ITPRID2: variants seen among roughly 807,000 people sequenced by gnomAD.
ITPRID2 encodes ITPR interacting domain containing 2.
ITPRID2 carries 60 observed loss-of-function variants against 124.3 expected under a neutral mutation model. The observed-to-expected ratio is 0.48, with a 90% CI of 0.39 to 0.60. The LOEUF (loss-of-function observed/expected upper bound fraction) is 0.60. Ranked by LOEUF, ITPRID2 falls within the 20% of genes least tolerant of loss-of-function variation. The pLI, the probability that ITPRID2 is intolerant of heterozygous loss-of-function variation, is 0.00. For synonymous variants in ITPRID2, 521 were observed against 542.9 expected, an observed-to-expected ratio of 0.96 and a Z score of 0.56; for missense variants, 1,553 against 1,512.2, an observed-to-expected ratio of 1.03 and a Z score of -0.45.
intron 8 of ITPRID2, among the ~76,000 whole-genome samples, 161 bp from the exon 9 acceptor site, chr2:181,909,738 A>G (rs1417446926): frequency 2.0e-5 from 3 of 152,208 alleles, no homozygotes; most frequent in African/African-American, 7.2e-5. Context: ...GTTGTGGAGC[A>G]TTCTAATAAT....
intron 2 of ITPRID2, chr2:181,894,175 A>G (rs141217642): frequency 1.3e-5 from 2 of 152,368 alleles, no homozygotes; most frequent in African/African-American, 4.8e-5. Flanking sequence ...GAAGAATCAC[A>G]CTATAGTTTA....
Position 181,928,222 on chromosome 2 carries a change from T to C in ITPRID2, c.3737T>C (p.Val1246Ala). ...ATTGTAAGTGGACTTTTGGCAGCAG[T>C]ATCTTCAAGTAAAGCGTCTAATTCT... ...REIVSGLLAA[V>A]SSSKASNSKQ... Residue 1246 changes from valine (V) to alanine (A), a missense_variant, in exon 17 of 18, where the codon GTA becomes GCA. Transcript: ENST00000431877. 6.4e-7 allele frequency: 1 copy of C among 1,551,106 alleles called. No homozygotes were observed. Among genetic ancestry groups the C allele is most frequent in the South Asian group, 1.2e-5 (1 of 83,954 alleles).
chr2:181,896,921 A>C lies in ITPRID2; in HGVS notation c.321A>C (p.Arg107Ser). 6.2e-7 allele frequency: 1 copy of C among 1,612,766 alleles called. No homozygotes were observed. Among genetic ancestry groups the C allele is most frequent in the Non-Finnish European group, 8.5e-7 (1 of 1,178,982 alleles). The change falls in exon 4 of 18, where the codon AGA becomes AGC. Residue 107 changes from arginine (R) to serine (S), a missense_variant. Arg to Ser is a moderately radical substitution (Grantham distance 110). Coordinates refer to ENST00000431877, the MANE Select transcript of ITPRID2 (RefSeq NM_001130445.3). This position sits in a 1 kb window ranked among gnomAD's most constrained non-coding sequence, Gnocchi z 4.3. ...SSSTLKGVLV[R>S]NGGSFEDDLS... ...TGTGTCTTTCAGGTGTGCTTGTGAG[A>C]AATGGAGGAAGTTTTGAAGATGATT...
rs542092662 is a variant in ITPRID2, at chr2:181,902,089, A to G, written c.1036A>G (p.Ile346Val). ...TAAAAACGATCAAAAGTCTCAAAAAATTATGAAGAAGAAAGAGTCATCTTC... is the reference window on the plus strand; with the variant it reads ...TAAAAACGATCAAAAGTCTCAAAAAGTTATGAAGAAGAAAGAGTCATCTTC... ...GNKNDQKSQK[I>V]MKKKESSSML... The change falls in exon 8 of 18, where the codon ATT (isoleucine) becomes GTT (valine). Residue 346 changes from isoleucine (I) to valine (V), a missense_variant. By Grantham distance (29) the Ile-to-Val change is conservative (BLOSUM62 3). Transcript: ENST00000431877. The surrounding 1 kb of genome is among the most constrained non-coding windows in gnomAD (Gnocchi z 4.4). 15 of 1,610,712 alleles carry G rather than the reference A, an allele frequency of 9.3e-6. No homozygotes were observed. The highest frequency in any genetic ancestry group is 1.7e-5 in the Admixed American group (1 of 59,378).
Position 181,891,891 on chromosome 2 carries a change from C to CCCTT in ITPRID2, c.-169_-166dup, listed in dbSNP as rs1481411684. The CCCTT allele has an allele frequency of 5.2e-6, 2 of 381,452 alleles. No individual in the cohort carries two copies. The highest frequency in any genetic ancestry group is 9.7e-6 in the Non-Finnish European group (2 of 206,534). 23.6% of individuals were successfully genotyped at this position (381,452 alleles called of 1,614,324 possible). A position where few individuals can be genotyped will look rare whatever the true frequency, so the allele number is the denominator to read the frequency against. On this transcript the variant is annotated 5_prime_UTR_variant, in exon 1 of 18. Transcript: ENST00000431877. ...GCGCCGGCCCTCCGCCCCTTCCCTC[C>CCCTT]CCTTCCTTCCCTCCCTCCCTCCCTG...
Position 181,910,608 on chromosome 2 carries a change from G to A in ITPRID2, c.1486+637G>A. ...AGCTTTAGAGAAAGGGAAAGAGGAA[G>A]AAGTGAAAATGACCACTGAAGGTAG... On this transcript the variant is annotated intron_variant, in intron 9 of 17. Coordinates refer to ENST00000431877, the MANE Select transcript of ITPRID2 (RefSeq NM_001130445.3). The surrounding 1 kb of genome is among the most constrained non-coding windows in gnomAD (Gnocchi z 4.1). 1.4e-6 allele frequency: 1 copy of A among 704,770 alleles called. No homozygotes were observed. The allele number at this position is 704,770 out of a possible 1,614,324, so 43.7% of individuals were successfully genotyped here. A position where few individuals can be genotyped will look rare whatever the true frequency, so the allele number is the denominator to read the frequency against.
intron 9 of ITPRID2, among the ~76,000 whole-genome samples, chr2:181,912,551 C>T (rs908923061): frequency 6.6e-6 from 1 of 152,136 alleles, no homozygotes; most frequent in Non-Finnish European, 1.5e-5. Context: ...GGGTATTTTT[C>T]AAACCAAGTT....
chr2:181,927,172 A>C (rs1694925765), intron 16 of ITPRID2, among the ~76,000 whole-genome samples: 2 of 152,214 alleles, frequency 1.3e-5, no homozygotes, highest in Non-Finnish European at 2.9e-5. Context: ...ATTTTTGGAA[A>C]GATTATAGTT....
Position 181,910,254 on chromosome 2 carries a change from A to G in ITPRID2, c.1486+283A>G, listed in dbSNP as rs1693493467. Among the ~76,000 whole-genome samples, 1 of 152,160 alleles carries G rather than the reference A, an allele frequency of 6.6e-6. No homozygotes were observed. Among genetic ancestry groups the G allele is most frequent in the Non-Finnish European group, 1.5e-5 (1 of 68,010 alleles). ...CACTATTGCATAAGAGCTAGTTGGG[A>G]AGTGATAGAGCAATGGATTAAGACT... On this transcript the variant is annotated intron_variant, in intron 9 of 17. Coordinates refer to ENST00000431877, the MANE Select transcript of ITPRID2 (RefSeq NM_001130445.3). The surrounding 1 kb of genome is among the most constrained non-coding windows in gnomAD (Gnocchi z 4.1).
chr2:181,901,670 G>A (rs990009873), intron 7 of ITPRID2, 96 bp from the exon 8 acceptor site: 3 of 856,434 alleles, frequency 3.5e-6, no homozygotes, highest in South Asian at 3.7e-5. Context: ...TGATCTAAGT[G>A]TAGTTTTTGG....
chr2:181,922,933 A>G (rs1574301497), intron 16 of ITPRID2, among the ~76,000 whole-genome samples: 1 of 152,220 alleles, frequency 6.6e-6, no homozygotes, highest in East Asian at 1.9e-4. Context: ...AAAAAAAAAG[A>G]AACTGCATTT....
chr2:181,892,498 C>G lies in ITPRID2; in HGVS notation c.212-117C>G. On this transcript the variant is annotated intron_variant, in intron 1 of 17. Transcript: ENST00000431877. This position sits in a 1 kb window ranked among gnomAD's most constrained non-coding sequence, Gnocchi z 5.2. ...ATTTCCCTGCCAAGGGACACTGAGA[C>G]GTGTCGCTTAGGCTGCATTTGCCGT... The G allele has an allele frequency of 7.5e-7, 1 of 1,326,200 alleles. No individual in the cohort carries two copies. The highest frequency in any genetic ancestry group is 1.1e-6 in the Non-Finnish European group (1 of 927,058). The allele number at this position is 1,326,200 out of a possible 1,614,324, so 82.2% of individuals were successfully genotyped here. A position where few individuals can be genotyped will look rare whatever the true frequency, so the allele number is the denominator to read the frequency against.
chr2:181,928,310 A>C, intron 17 of ITPRID2, 32 bp downstream of exon 17: 1 of 1,295,918 alleles, frequency 7.7e-7, no homozygotes, highest in South Asian at 1.4e-5. Flanking sequence ...TGTTGAGCTA[A>C]ATGTAAATAG....
At position 181,892,492 on chromosome 2, in the gene ITPRID2, C is replaced by A; in HGVS notation, c.212-123C>A. 7.6e-7 allele frequency: 1 copy of A among 1,316,428 alleles called. No individual in the cohort carries two copies. Among genetic ancestry groups the A allele is most frequent in the Non-Finnish European group, 1.1e-6 (1 of 921,476 alleles). 81.5% of individuals were successfully genotyped at this position (1,316,428 alleles called of 1,614,324 possible). ...CATCCGATTTCCCTGCCAAGGGACA[C>A]TGAGACGTGTCGCTTAGGCTGCATT... On this transcript the variant is annotated intron_variant, in intron 1 of 17. Coordinates refer to ENST00000431877, the MANE Select transcript of ITPRID2 (RefSeq NM_001130445.3). The surrounding 1 kb of genome is among the most constrained non-coding windows in gnomAD (Gnocchi z 5.2).
chr2:181,924,184 C>A (rs1044841432), intron 16 of ITPRID2, among the ~76,000 whole-genome samples: 7 of 152,040 alleles, frequency 4.6e-5, no homozygotes, highest in African/African-American at 9.7e-5. Context: ...ATGTATAGAT[C>A]AAACAAGGCA....
Position 181,930,276 on chromosome 2 carries a change from T to C in ITPRID2, c.*729T>C, listed in dbSNP as rs77418976. ...TCCAGACTTCTTTATTAGATGGAGA[T>C]GTTTCTTTTTCTGTCTTCTAGACTA... is the stretch of plus-strand genomic sequence containing the variant. On this transcript the variant is annotated 3_prime_UTR_variant, in exon 18 of 18. Coordinates refer to ENST00000431877, the MANE Select transcript of ITPRID2 (RefSeq NM_001130445.3). 2.0e-5 allele frequency: 3 copies of C among 152,620 alleles called. No individual in the cohort carries two copies. The highest frequency in any genetic ancestry group is 7.2e-5 in the African/African-American group (3 of 41,474). 9.5% of individuals were successfully genotyped at this position (152,620 alleles called of 1,614,324 possible).
In ITPRID2 at chr2:181,901,796, C is replaced by T; in HGVS notation, c.743C>T (p.Thr248Ile). 6.2e-7 allele frequency: 1 copy of T among 1,612,964 alleles called. No individual in the cohort carries two copies. Among genetic ancestry groups the T allele is most frequent in the Non-Finnish European group, 8.5e-7 (1 of 1,179,472 alleles). Residue 248 changes from threonine (T) to isoleucine (I), a missense_variant, in exon 8 of 18, where the codon ACT becomes ATT. By Grantham distance (89) the Thr-to-Ile change is moderately conservative (BLOSUM62 -1). Coordinates refer to ENST00000431877, the MANE Select transcript of ITPRID2 (RefSeq NM_001130445.3). The stretch of plus-strand genomic sequence containing the variant: ...TTTCGTCAAATTGAAGTGCTTACTA[C>T]TGTGGCCAATGCGTTTTCTTCTTTA... ...SRFRQIEVLT[T>I]VANAFSSLYS... is the part of the protein sequence containing the mutation.
At chr2:181,903,372 T>A (rs920887427) in intron 8 of ITPRID2, among the ~76,000 whole-genome samples, 1 of 152,216 alleles carries the variant, frequency 6.6e-6, no homozygotes, top group African/African-American at 2.4e-5. Context: ...AATTTGTCTT[T>A]TGTAATTTAT....
intron 16 of ITPRID2, among the ~76,000 whole-genome samples, chr2:181,922,863 A>G (rs1360424422): frequency 6.6e-6 from 1 of 152,128 alleles, no homozygotes; most frequent in Non-Finnish European, 1.5e-5. Context: ...CGGAGGTTGC[A>G]GTGAGCCAAG....
Sources: gnomAD v4.1 joint callset for allele counts (sites outside exome capture counted in the v4.1 genomes callset) on GRCh38, gnomAD v4.1.1 for gene constraint, Gnocchi (gnomAD v3.1) non-coding constraint, MANE v1.5 for transcripts, NCBI Gene and HGNC (gene_info 2026-07-23, HGNC 2026-07-21) for gene names.